The following SPRED1 variants were observed in gnomAD, a reference collection of about 807,000 sequenced individuals.
The protein encoded by SPRED1 is sprouty-related, EVH1 domain-containing protein 1.
Under a neutral mutation model 52.3 loss-of-function variants are expected in SPRED1, and 18 were observed. The observed-to-expected ratio is 0.34, with a 90% confidence interval of 0.24 to 0.51. SPRED1 has a LOEUF of 0.51. Among genes scored for constraint, SPRED1 ranks in the 20% least tolerant of loss-of-function variants. SPRED1 has a pLI of 0.97. For missense variants in SPRED1, 485 were observed against 551.0 expected, an observed-to-expected ratio of 0.88 and a Z score of 1.20; for synonymous variants, 155 against 179.7, an observed-to-expected ratio of 0.86 and a Z score of 1.10.
intron 4 of SPRED1, among the ~76,000 whole-genome samples, chr15:38,328,466 C>T (rs915613073): frequency 2.6e-5 from 4 of 152,126 alleles, no homozygotes; most frequent in Non-Finnish European, 5.9e-5. Flanking sequence ...AAGAAATTTA[C>T]CTTTCTATTT....
chr15:38,333,940 C>T (rs890264696), intron 4 of SPRED1, among the ~76,000 whole-genome samples: 6 of 151,960 alleles, frequency 3.9e-5, no homozygotes, highest in Admixed American at 3.3e-4. Context: ...TTGCTTAATC[C>T]CTTTGAATTT....
In SPRED1 at chr15:38,253,090, C is replaced by T. The variant is rs1443923579; in HGVS notation, c.-96C>T. ...CCCCTGTGCCGCTGCCCCCGCGCCC[C>T]CCCGGCCGCCGCTGCCTCCTGCCCC... is the stretch of plus-strand genomic sequence containing the variant. On this transcript the variant is annotated 5_prime_UTR_variant, in exon 1 of 7. Transcript: ENST00000299084. 9.0e-7 allele frequency: 1 copy of T among 1,110,566 alleles called. No individual in the cohort carries two copies. The highest frequency in any genetic ancestry group is 1.3e-6 in the Non-Finnish European group (1 of 750,672). 68.8% of individuals were successfully genotyped at this position (1,110,566 alleles called of 1,614,324 possible). A position where few individuals can be genotyped will look rare whatever the true frequency, so the allele number is the denominator to read the frequency against.
At position 38,348,573 on chromosome 15, in the gene SPRED1, T is replaced by A. The variant is rs572013142; in HGVS notation, c.583-849T>A. Reference sequence around the variant, plus strand: ...CATGTGCTTTTATACTATTTGAAAATTTTGCTATCTGCATGTATTACTATT... The same window carrying A: ...CATGTGCTTTTATACTATTTGAAAAATTTGCTATCTGCATGTATTACTATT... On this transcript the variant is annotated intron_variant, in intron 5 of 6. Transcript: ENST00000299084. 2.7e-3 allele frequency among the ~76,000 whole-genome samples: 410 copies of A among 152,156 alleles called. 1 individual carries two copies. Among genetic ancestry groups the A allele is most frequent in the African/African-American group, 9.6e-3 (398 of 41,532 alleles).
At chr15:38,255,053 C>G (rs925189152) in intron 1 of SPRED1, among the ~76,000 whole-genome samples, 3 of 152,048 alleles carry the variant, frequency 2.0e-5, no homozygotes, top group African/African-American at 7.2e-5. Flanking sequence ...ATAAAAAAAG[C>G]AGATGATGGA....
intron 1 of SPRED1, among the ~76,000 whole-genome samples, chr15:38,263,243 G>A (rs1027746067): frequency 2.0e-5 from 3 of 152,174 alleles, no homozygotes; most frequent in Non-Finnish European, 4.4e-5. Context: ...GATGAACCCG[G>A]TTTTTTAAAT....
chr15:38,295,304 T>C (rs1895011695), intron 1 of SPRED1, among the ~76,000 whole-genome samples: 1 of 152,120 alleles, frequency 6.6e-6, no homozygotes. Flanking sequence ...TTTCATAATG[T>C]TTTAAGAAAT....
intron 5 of SPRED1, among the ~76,000 whole-genome samples, chr15:38,343,622 A>T (rs960690208): frequency 1.3e-5 from 2 of 152,118 alleles, no homozygotes; most frequent in Non-Finnish European, 2.9e-5. Flanking sequence ...CTTCTAGATC[A>T]TCTGGGAGCT....
intron 4 of SPRED1, among the ~76,000 whole-genome samples, chr15:38,336,439 A>G (rs1412083474): frequency 1.8e-4 from 6 of 33,386 alleles, no homozygotes; most frequent in Non-Finnish European, 5.4e-4. Flanking sequence ...TATATATAAT[A>G]TTATATATAT....
intron 2 of SPRED1, among the ~76,000 whole-genome samples, chr15:38,311,888 T>G (rs1361698545): frequency 6.6e-6 from 1 of 152,074 alleles, no homozygotes; most frequent in Non-Finnish European, 1.5e-5. Flanking sequence ...TATTTTCAAT[T>G]TTATTTCTGT....
rs34352434 is a variant in SPRED1 at position 38,349,573 on chromosome 15, A to AAAT, written c.684+50_684+51insAAT. 0.88 allele frequency: 1,101,215 copies of AAAT among 1,253,068 alleles called. 486,712 individuals carry two copies. The highest frequency in any genetic ancestry group is 0.9 in the Non-Finnish European group (776,711 of 864,460). The allele number at this position is 1,253,068 out of a possible 1,614,324, so 77.6% of individuals were successfully genotyped here. On this transcript the variant is annotated intron_variant, in intron 6 of 6. Coordinates refer to ENST00000299084, the MANE Select transcript of SPRED1 (RefSeq NM_152594.3). ...GATATGGAATTTAACTAATTAATAG[A>AAAT]TAGGTAAAGTTTTCCAGTCTTTCTA...
chr15:38,270,641 A>G (rs2140956189), intron 1 of SPRED1, among the ~76,000 whole-genome samples: 1 of 152,302 alleles, frequency 6.6e-6, no homozygotes, highest in East Asian at 1.9e-4. Flanking sequence ...TGAGAACTCT[A>G]TCACAAGAAC....
chr15:38,278,625 A>C (rs958851360), intron 1 of SPRED1, among the ~76,000 whole-genome samples: 1 of 152,222 alleles, frequency 6.6e-6, no homozygotes, highest in Non-Finnish European at 1.5e-5. Flanking sequence ...GCTCAAGTCC[A>C]TTATATAAAA....
chr15:38,256,152 C>G (rs966505266), intron 1 of SPRED1, among the ~76,000 whole-genome samples: 1 of 152,048 alleles, frequency 6.6e-6, no homozygotes, highest in African/African-American at 2.4e-5. Flanking sequence ...TAGAATAAAG[C>G]ATTTCTTAGA....
intron 2 of SPRED1, among the ~76,000 whole-genome samples, chr15:38,311,886 A>G (rs997179109): frequency 2.0e-5 from 3 of 151,768 alleles, no homozygotes; most frequent in African/African-American, 7.3e-5. Context: ...TCTATTTTCA[A>G]TTTTATTTCT....
intron 1 of SPRED1, among the ~76,000 whole-genome samples, chr15:38,269,669 T>G (rs1362199566): frequency 6.6e-6 from 1 of 152,252 alleles, no homozygotes; most frequent in Non-Finnish European, 1.5e-5. Context: ...CAGTTGGGCT[T>G]TATTAGAATT....
chr15:38,298,797 T>C (rs1204310180), intron 1 of SPRED1, among the ~76,000 whole-genome samples: 1 of 152,218 alleles, frequency 6.6e-6, no homozygotes, highest in Non-Finnish European at 1.5e-5. Flanking sequence ...AATTTGCTTG[T>C]TAAGTAATCT....
chr15:38,332,778 A>G (rs573290346), intron 4 of SPRED1, among the ~76,000 whole-genome samples: 3 of 152,286 alleles, frequency 2.0e-5, no homozygotes, highest in East Asian at 1.9e-4. Flanking sequence ...CCCTCCTTAC[A>G]GGTTGTCCTA....
rs115427925 is a variant in SPRED1 at position 38,283,993 on chromosome 15, A to G, written c.33-15380A>G. Among the ~76,000 whole-genome samples the G allele has an allele frequency of 8.6e-3, 1,312 of 152,246 alleles. 18 individuals are homozygous for G. Among genetic ancestry groups the G allele is most frequent in the African/African-American group, 0.03 (1,241 of 41,538 alleles). On this transcript the variant is annotated intron_variant, in intron 1 of 6. Coordinates refer to ENST00000299084, the MANE Select transcript of SPRED1 (RefSeq NM_152594.3). ...TTAGATAGTTTTCTTTGTCCATGTG[A>G]TTATAAAAGAAGAAAATAAAGATAA...
intron 5 of SPRED1, among the ~76,000 whole-genome samples, chr15:38,345,126 G>A (rs967998620): frequency 2.6e-5 from 4 of 152,212 alleles, no homozygotes; most frequent in African/African-American, 9.7e-5. Flanking sequence ...CCATGGTAGA[G>A]AATCTGGCCC....
Sources: allele counts gnomAD v4.1 joint callset (sites outside exome capture counted in the v4.1 genomes callset), GRCh38; gene constraint gnomAD v4.1.1; transcripts MANE v1.5; gene names NCBI Gene and HGNC (gene_info 2026-07-23, HGNC 2026-07-21).